Variants in CC2D1B observed in about 807,000 individuals in gnomAD.
CC2D1B encodes the protein coiled-coil and C2 domain containing 1B, also known as coiled-coil and C2 domain-containing protein 1B.
CC2D1B carries 92 observed loss-of-function variants against 110.8 expected under a neutral mutation model. That is an observed-to-expected ratio of 0.83 (90% CI 0.70 to 0.99). CC2D1B has a LOEUF of 0.99. Among genes scored for constraint, CC2D1B ranks in the 50% least tolerant of loss-of-function variants. CC2D1B has a pLI of 0.00. For synonymous variants in CC2D1B, 406 were observed against 429.2 expected (o/e 0.95, Z 0.67); for missense variants, 1,136 against 1,089.0 (o/e 1.04, Z -0.61).
Position 52,361,542 on chromosome 1 carries a change from C to G in CC2D1B, c.289G>C (p.Glu97Gln), listed in dbSNP as rs747922095. 2.1e-6 allele frequency: 3 copies of G among 1,438,198 alleles called. No individual in the cohort carries two copies. The highest frequency in any genetic ancestry group is 2.8e-6 in the Non-Finnish European group (3 of 1,066,940). The allele number at this position is 1,438,198 out of a possible 1,614,324, so 89.1% of individuals were successfully genotyped here. A position where few individuals can be genotyped will look rare whatever the true frequency, so the allele number is the denominator to read the frequency against. Residue 97 changes from glutamate to glutamine, a missense_variant, in exon 4 of 25, where the codon GAA (glutamate) becomes CAA (glutamine). Glu to Gln is a conservative substitution (Grantham distance 29). Coordinates refer to ENST00000284376, the MANE Select transcript of CC2D1B (RefSeq NM_001330585.2). ...MRDVEEEEEEEGLEEDAELLT... is the reference protein window; with the variant it reads ...MRDVEEEEEEQGLEEDAELLT... ...AGCTCTGCATCTTCCTCCAGCCCTT[C>G]CTCCTCCTCCTCCTCCTCCACATCC... is the stretch of plus-strand genomic sequence containing the variant.
At position 52,362,699 on chromosome 1, in the gene CC2D1B, C is replaced by T. The variant is rs373837867; in HGVS notation, c.117G>A (p.Met39Ile). 25 of 1,614,046 alleles carry T rather than the reference C, an allele frequency of 1.5e-5. No homozygotes were observed. Among genetic ancestry groups the T allele is most frequent in the Non-Finnish European group, 2.0e-5 (24 of 1,180,032 alleles). ...GGTCCTCATCATCTTCAGCCTCATC[C>T]ATGCCCAGCAGCATGTCCTCAGGGC... ...EFGPEDMLLG[M>I]DEAEDDEDLE... is the part of the protein sequence containing the mutation. Residue 39 changes from methionine (M) to isoleucine (I), a missense_variant, in exon 3 of 25, where the codon ATG becomes ATA. By Grantham distance (10) the Met-to-Ile change is conservative (BLOSUM62 1). Transcript: ENST00000284376.
Position 52,356,990 on chromosome 1 carries a change from G to A in CC2D1B, c.1878+11C>T. 1 of 1,550,544 alleles carries A rather than the reference G, an allele frequency of 6.4e-7. No homozygotes were observed. The highest frequency in any genetic ancestry group is 1.2e-5 in the South Asian group (1 of 83,982). On this transcript the variant is annotated intron_variant, in intron 16 of 24. Transcript: ENST00000284376. ...GCACAGAGGGGAGGAACAGACGAGG[G>A]GCCTGCTGACCTCTTGTTGCTCCAG...
rs372449175 is a variant in CC2D1B at position 52,359,224 on chromosome 1, G to A, written c.1126+26C>T. 11 of 1,610,914 alleles carry A rather than the reference G, an allele frequency of 6.8e-6. No homozygotes were observed. The African/African-American group carries it at 9.3e-5, about 14-fold the overall frequency. Reference sequence around the variant, plus strand: ...CCCTCCAATGCCTGCAGGTCCCCACGCCACAGTCCCACCATCCTGCCCTAC... The same window carrying A: ...CCCTCCAATGCCTGCAGGTCCCCACACCACAGTCCCACCATCCTGCCCTAC... On this transcript the variant is annotated intron_variant, in intron 10 of 24. Coordinates refer to ENST00000284376, the MANE Select transcript of CC2D1B (RefSeq NM_001330585.2).
Position 52,354,287 on chromosome 1 carries a change from A to G in CC2D1B, c.2430+321T>C, listed in dbSNP as rs563636421. 26 of 532,930 alleles carry G rather than the reference A, an allele frequency of 4.9e-5. 1 individual carries two copies. In the Admixed American group the frequency reaches 5.4e-4, roughly 11 times the overall value. The allele number at this position is 532,930 out of a possible 1,614,324, so 33.0% of individuals were successfully genotyped here. The stretch of plus-strand genomic sequence containing the variant: ...GTCGTAGCTCTGCCAAGGACACACC[A>G]TATGAGCTTACAGAACCCCCTTTCC... On this transcript the variant is annotated intron_variant, in intron 23 of 24. Coordinates refer to ENST00000284376, the MANE Select transcript of CC2D1B (RefSeq NM_001330585.2).
In CC2D1B at chr1:52,352,635, G is replaced by A. The variant is rs988056279; in HGVS notation, c.*590C>T. 6.6e-6 allele frequency: 1 copy of A among 152,548 alleles called. No homozygotes were observed. Among genetic ancestry groups the A allele is most frequent in the Non-Finnish European group, 1.5e-5 (1 of 68,060 alleles). The allele number at this position is 152,548 out of a possible 1,614,324, so 9.4% of individuals were successfully genotyped here. On this transcript the variant is annotated 3_prime_UTR_variant, in exon 25 of 25. Coordinates refer to ENST00000284376, the MANE Select transcript of CC2D1B (RefSeq NM_001330585.2). ...CAACCTTCCCCTTACTTCCCACCAA[G>A]TAGTACCAAAAACAACTTTCCCCCT... is the stretch of plus-strand genomic sequence containing the variant.
chr1:52,361,148 ACAG>A lies in CC2D1B; in HGVS notation c.319-19_319-17del. 1 of 1,613,860 alleles carries A rather than the reference ACAG, an allele frequency of 6.2e-7. No individual in the cohort carries two copies. ...GCAGCTCCGTCTAGGGAGACAAAAC[ACAG>A]CCCAGGAGCTTGGGGGCCTCAAGAC... On this transcript the variant is annotated splice_polypyrimidine_tract_variant and intron_variant, in intron 4 of 24. Coordinates refer to ENST00000284376, the MANE Select transcript of CC2D1B (RefSeq NM_001330585.2).
Position 52,362,629 on chromosome 1 carries a change from C to G in CC2D1B, c.187G>C (p.Gly63Arg). 1 of 1,614,208 alleles carries G rather than the reference C, an allele frequency of 6.2e-7. No individual in the cohort carries two copies. The highest frequency in any genetic ancestry group is 8.5e-7 in the Non-Finnish European group (1 of 1,180,040). ...LALTGEAQTT[G>R]KKPAPKGQAP... ...TGCCCCTTGGGTGCTGGCTTCTTGC[C>G]TGTGGTTTGTGCTTCCCCTGTGAGA... The change falls in exon 3 of 25, where the codon GGC becomes CGC. Residue 63 changes from glycine (G) to arginine (R), a missense_variant. Transcript: ENST00000284376.
In CC2D1B at chr1:52,351,147, T is replaced by C. The variant is rs1366030598; in HGVS notation, c.*2078A>G. The C allele has an allele frequency of 6.6e-6, 1 of 152,224 alleles. No individual in the cohort carries two copies. Among genetic ancestry groups the C allele is most frequent in the African/African-American group, 2.4e-5 (1 of 41,466 alleles). The allele number at this position is 152,224 out of a possible 1,614,324, so 9.4% of individuals were successfully genotyped here. ...ATGCCTTTGGCTACAACAAAGGCCT[T>C]TTAAGAACTTCAATCTCCAAGTCTG... On this transcript the variant is annotated 3_prime_UTR_variant, in exon 25 of 25. Transcript: ENST00000284376.
chr1:52,361,381 C>T (rs982400981), intron 4 of CC2D1B, 132 bp downstream of exon 4: 109 of 1,489,590 alleles, frequency 7.3e-5, no homozygotes, highest in African/African-American at 3.2e-4. Flanking sequence ...ACCCACTGTA[C>T]AGCCAGGAGG....
chr1:52,353,702 G>T, intron 23 of CC2D1B, 55 bp from the exon 24 acceptor site: 1 of 1,342,392 alleles, frequency 7.4e-7, no homozygotes, highest in Non-Finnish European at 1.0e-6. Context: ...ATGGGGAGCA[G>T]GCAGGTCCCT....
At chr1:52,362,467 G>T in intron 3 of CC2D1B, 135 bp downstream of exon 3, 2 of 1,074,210 alleles carry the variant, frequency 1.9e-6, no homozygotes, top group Non-Finnish European at 2.7e-6. Context: ...CCGCCTCTTG[G>T]TGGGAGTGCG....
At chr1:52,360,780 T>C in intron 5 of CC2D1B, 194 bp downstream of exon 5, 1 of 896,402 alleles carries the variant, frequency 1.1e-6, no homozygotes. Context: ...GGGGGTAGTC[T>C]AGGAGAACAG....
chr1:52,363,165 C>T (rs1470469559), intron 2 of CC2D1B, among the ~76,000 whole-genome samples: 6 of 152,014 alleles, frequency 3.9e-5, no homozygotes, highest in Non-Finnish European at 8.8e-5. Flanking sequence ...GAGGCCGAGG[C>T]GGGTGGATCA....
Position 52,364,578 on chromosome 1 carries a change from C to T in CC2D1B, c.43G>A (p.Gly15Ser), listed in dbSNP as rs2147898743. 2 of 1,607,638 alleles carry T rather than the reference C, an allele frequency of 1.2e-6. No homozygotes were observed. The highest frequency in any genetic ancestry group is 1.7e-6 in the Non-Finnish European group (2 of 1,175,074). ...TGCTTGGCAGCGGCCACCCCTTGGC[C>T]TCTGGCCTGAGGGCCCTTCCGAGGT... ...PRPRKGPQAR[G>S]QGVAAAKQMG... Residue 15 changes from glycine to serine, a missense_variant, in exon 2 of 25, where the codon GGC (glycine) becomes AGC (serine). Gly to Ser is a moderately conservative substitution (Grantham distance 56). Coordinates refer to ENST00000284376, the MANE Select transcript of CC2D1B (RefSeq NM_001330585.2).
intron 18 of CC2D1B, 53 bp from the exon 19 acceptor site, chr1:52,355,897 A>C: frequency 3.8e-6 from 6 of 1,577,140 alleles, no homozygotes; most frequent in Non-Finnish European, 4.4e-6. Context: ...CAGTAGTGGA[A>C]CAAGGTCCCT....
At chr1:52,354,295 T>C in intron 23 of CC2D1B, 1 of 550,394 alleles carries the variant, frequency 1.8e-6, no homozygotes, top group East Asian at 4.4e-5. Flanking sequence ...CCATATGAGC[T>C]TACAGAACCC....
At position 52,356,377 on chromosome 1, in the gene CC2D1B, C is replaced by T; in HGVS notation, c.1937+7G>A. 2 of 1,614,214 alleles carry T rather than the reference C, an allele frequency of 1.2e-6. No homozygotes were observed. The highest frequency in any genetic ancestry group is 1.7e-6 in the Non-Finnish European group (2 of 1,180,028). Reference sequence around the variant, plus strand: ...CCTATGAGCCCAGCCCCAGCCCTTGCACTTACCGGGTGGTCTCAGCCACGT... The same window carrying T: ...CCTATGAGCCCAGCCCCAGCCCTTGTACTTACCGGGTGGTCTCAGCCACGT... On this transcript the variant is annotated splice_region_variant and intron_variant, in intron 17 of 24. Transcript: ENST00000284376.
chr1:52,354,646 G>A lies in CC2D1B; in HGVS notation c.2392C>T (p.Arg798Trp), dbSNP rs752911837. 57 of 1,614,002 alleles carry A rather than the reference G, an allele frequency of 3.5e-5. No individual in the cohort carries two copies. Among genetic ancestry groups the A allele is most frequent in the East Asian group, 4.5e-5 (2 of 44,892 alleles). ...LVGTAHLKLERLENECEIREI... is the reference protein window; with the variant it reads ...LVGTAHLKLEWLENECEIREI... ...CTGATCTCACACTCATTCTCCAGCC[G>A]CTCCAGTTTCAGGTGTGCTGTGCCA... Residue 798 changes from arginine to tryptophan, a missense_variant, in exon 23 of 25, where the codon CGG (arginine) becomes TGG (tryptophan). Arg to Trp is a moderately radical substitution (Grantham distance 101). Transcript: ENST00000284376.
In CC2D1B at chr1:52,362,473, G is replaced by A. The variant is rs889466355; in HGVS notation, c.214+129C>T. 3.6e-6 allele frequency: 4 copies of A among 1,119,506 alleles called. No individual in the cohort carries two copies. In the African/African-American group the frequency reaches 6.2e-5, roughly 17 times the overall value. The allele number at this position is 1,119,506 out of a possible 1,614,324, so 69.3% of individuals were successfully genotyped here. On this transcript the variant is annotated intron_variant, in intron 3 of 24. Coordinates refer to ENST00000284376, the MANE Select transcript of CC2D1B (RefSeq NM_001330585.2). ...AGGGCGAGGCCGCCTCTTGGTGGGA[G>A]TGCGGCAGATGGGTATTGGAAGGAC...
Sources: allele counts gnomAD v4.1 joint callset (sites outside exome capture counted in the v4.1 genomes callset), GRCh38; gene constraint gnomAD v4.1.1; transcripts MANE v1.5; gene names NCBI Gene and HGNC (gene_info 2026-07-23, HGNC 2026-07-21).